The following INPP5A variants were observed in gnomAD, a reference collection of about 807,000 sequenced individuals.
The protein encoded by INPP5A is inositol polyphosphate-5-phosphatase A.
INPP5A carries 14 observed loss-of-function variants against 65.2 expected under a neutral mutation model. That is an observed-to-expected ratio of 0.21 (90% CI 0.14 to 0.34). The LOEUF (loss-of-function observed/expected upper bound fraction) is 0.34, where lower values mean the gene tolerates loss of function less well. Ranked by LOEUF, INPP5A falls within the 10% of genes least tolerant of loss-of-function variation. The pLI is 1.00. For synonymous variants in INPP5A, 207 were observed against 208.3 expected, an observed-to-expected ratio of 0.99 and a Z score of 0.05; for missense variants, 431 against 545.6, an observed-to-expected ratio of 0.79 and a Z score of 2.09.
rs562351647 is a variant in INPP5A, at chr10:132,701,999, G to A, written c.474+4080G>A. 6.6e-5 allele frequency among the ~76,000 whole-genome samples: 10 copies of A among 152,332 alleles called. No individual in the cohort carries two copies. The East Asian group carries it at 9.6e-4, about 15-fold the overall frequency. ...CCTCTGTGAGGACTCTCCCTGCACC[G>A]CGCATCCCACCCTAAACCCAAGGAT... On this transcript the variant is annotated intron_variant, in intron 6 of 15. Transcript: ENST00000368594.
Position 132,619,830 on chromosome 10 carries a change from T to G in INPP5A, c.117+11874T>G, listed in dbSNP as rs181829608. 8.1e-3 allele frequency among the ~76,000 whole-genome samples: 1,235 copies of G among 152,334 alleles called. 15 individuals are homozygous for G. The highest frequency in any genetic ancestry group is 0.028 in the African/African-American group (1,184 of 41,576). On this transcript the variant is annotated intron_variant, in intron 2 of 15. Coordinates refer to ENST00000368594, the MANE Select transcript of INPP5A (RefSeq NM_005539.5). ...TGTACCACCACACCTGGCTAATTTT[T>G]GTATTTTTAGTAGAGACAGGGTTTC... is the stretch of plus-strand genomic sequence containing the variant.
chr10:132,609,090 A>C (rs1476904468), intron 2 of INPP5A, among the ~76,000 whole-genome samples: 4 of 152,218 alleles, frequency 2.6e-5, no homozygotes, highest in African/African-American at 7.2e-5. Context: ...GTGTGTGCGC[A>C]TGTGTGTGCT....
At chr10:132,589,812 C>T (rs2071594577) in intron 1 of INPP5A, among the ~76,000 whole-genome samples, 1 of 152,238 alleles carries the variant, frequency 6.6e-6, no homozygotes, top group African/African-American at 2.4e-5. Context: ...TCGCCCTGTG[C>T]AGACCAGCAG....
intron 13 of INPP5A, 137 bp downstream of exon 13, chr10:132,777,919 G>C (rs568317829): frequency 6.7e-7 from 1 of 1,498,104 alleles, no homozygotes; most frequent in Admixed American, 2.1e-5. Context: ...CCCTGACCTC[G>C]TGCTGCCATG....
rs112913984 is a variant in INPP5A, at chr10:132,705,286, T to A, written c.475-3027T>A. Among the ~76,000 whole-genome samples, 26 of 152,288 alleles carry A rather than the reference T, an allele frequency of 1.7e-4. No homozygotes were observed. The highest frequency in any genetic ancestry group is 1.3e-3 in the Admixed American group (20 of 15,294). On this transcript the variant is annotated intron_variant, in intron 6 of 15. Transcript: ENST00000368594. This position sits in a 1 kb window ranked among gnomAD's most constrained non-coding sequence, Gnocchi z 4.9. Reference sequence around the variant, plus strand: ...GGACATGTTTGGAATCAGAGACAAGTGTCTGGTGCAGCACGCAGGGAGCCT... The same window carrying A: ...GGACATGTTTGGAATCAGAGACAAGAGTCTGGTGCAGCACGCAGGGAGCCT...
At chr10:132,686,722 A>G (rs767949684) in intron 4 of INPP5A, among the ~76,000 whole-genome samples, 5 of 152,346 alleles carry the variant, frequency 3.3e-5, no homozygotes, top group Non-Finnish European at 7.3e-5. Context: ...TTAACATTCA[A>G]TGAGGTAATG....
chr10:132,559,886 T>TC (rs1429838771), intron 1 of INPP5A, among the ~76,000 whole-genome samples: 4 of 152,272 alleles, frequency 2.6e-5, no homozygotes, highest in African/African-American at 9.6e-5. Context: ...ATGTATCTGT[T>TC]CATCAGTGGA....
intron 4 of INPP5A, among the ~76,000 whole-genome samples, chr10:132,673,673 G>C (rs1156933648): frequency 2.4e-4 from 37 of 152,216 alleles, no homozygotes; most frequent in Admixed American, 2.0e-3. Context: ...CACCATGATG[G>C]TGGACAAGGC....
intron 11 of INPP5A, among the ~76,000 whole-genome samples, chr10:132,760,808 G>C (rs1846719261): frequency 6.6e-6 from 1 of 152,188 alleles, no homozygotes; most frequent in Non-Finnish European, 1.5e-5. Context: ...TTTGTCCACT[G>C]TCTTCCTGAG....
chr10:132,750,162 C>CA (rs1846449284), intron 11 of INPP5A, among the ~76,000 whole-genome samples: 1 of 152,214 alleles, frequency 6.6e-6, no homozygotes, highest in Admixed American at 6.5e-5. Flanking sequence ...CCCCTTGTCT[C>CA]AGAGTGAACC....
chr10:132,751,272 C>T (rs2134640494), intron 11 of INPP5A, among the ~76,000 whole-genome samples: 1 of 152,356 alleles, frequency 6.6e-6, no homozygotes, highest in Admixed American at 6.5e-5. Flanking sequence ...CTGCAGGAGC[C>T]CATGGTCCTT....
intron 9 of INPP5A, among the ~76,000 whole-genome samples, chr10:132,735,739 G>A (rs1246442585): frequency 6.6e-6 from 1 of 152,240 alleles, no homozygotes; most frequent in African/African-American, 2.4e-5. Context: ...CCACAGCAAT[G>A]GGAGGCCGGG....
intron 1 of INPP5A, among the ~76,000 whole-genome samples, chr10:132,594,869 A>G (rs558855585): frequency 2.2e-4 from 33 of 152,230 alleles, no homozygotes; most frequent in Non-Finnish European, 4.1e-4. Context: ...CCCGTCTGCC[A>G]TTTGCCCTTT....
intron 6 of INPP5A, among the ~76,000 whole-genome samples, chr10:132,700,137 A>T (rs1011897694): frequency 2.0e-5 from 3 of 152,028 alleles, no homozygotes; most frequent in Admixed American, 6.5e-5. Flanking sequence ...CCTGGGTCCA[A>T]CCCCAGTGTT....
At position 132,710,321 on chromosome 10, in the gene INPP5A, T is replaced by C; in HGVS notation, c.528-16T>C. On this transcript the variant is annotated splice_polypyrimidine_tract_variant and intron_variant, in intron 7 of 15. Transcript: ENST00000368594. ...TCCGGCCCTTGGTGACGTGTCCTTT[T>C]CTCTTTTGGTTGCAGTGCCTTTGAC... is the stretch of plus-strand genomic sequence containing the variant. The C allele has an allele frequency of 6.2e-7, 1 of 1,613,526 alleles. No individual in the cohort carries two copies. The highest frequency in any genetic ancestry group is 1.7e-4 in the Middle Eastern group (1 of 6,018).
In INPP5A at chr10:132,706,926, G is replaced by A. The variant is rs572523954; in HGVS notation, c.475-1387G>A. ...GGCGAGTGTCTGTAGGAGTTTGCCT[G>A]TGGAGGCTGTGGTGACCTTGCAGAG... On this transcript the variant is annotated intron_variant, in intron 6 of 15. Transcript: ENST00000368594. This position sits in a 1 kb window ranked among gnomAD's most constrained non-coding sequence, Gnocchi z 4.7. Among the ~76,000 whole-genome samples, 1 of 152,328 alleles carries A rather than the reference G, an allele frequency of 6.6e-6. No individual in the cohort carries two copies. The highest frequency in any genetic ancestry group is 1.9e-4 in the East Asian group (1 of 5,182).
intron 1 of INPP5A, among the ~76,000 whole-genome samples, chr10:132,594,334 G>T (rs1194213405): frequency 2.6e-5 from 4 of 152,214 alleles, no homozygotes; most frequent in Non-Finnish European, 5.9e-5. Context: ...AAGGACAGAC[G>T]TGGCTAGTGC....
intron 9 of INPP5A, among the ~76,000 whole-genome samples, chr10:132,739,865 C>A (rs10781585): frequency 0.6 from 91,156 of 152,086 alleles, 28,108 homozygotes; most frequent in East Asian, 0.87. Flanking sequence ...TTGTCTCCAC[C>A]CTGTGTGTCC....
intron 12 of INPP5A, among the ~76,000 whole-genome samples, chr10:132,768,575 G>A (rs553155966): frequency 8.5e-5 from 13 of 152,178 alleles, no homozygotes; most frequent in South Asian, 2.1e-4. Context: ...ACTCTTCCCC[G>A]TGCAGCTCTG....
Sources: gnomAD v4.1 joint callset for allele counts (sites outside exome capture counted in the v4.1 genomes callset) on GRCh38, gnomAD v4.1.1 for gene constraint, Gnocchi (gnomAD v3.1) non-coding constraint, MANE v1.5 for transcripts, NCBI Gene and HGNC (gene_info 2026-07-23, HGNC 2026-07-21) for gene names.